IL1RAPL1: variants seen among roughly 807,000 people sequenced by gnomAD.
The protein encoded by IL1RAPL1 is interleukin 1 receptor accessory protein like 1, also known as interleukin-1 receptor accessory protein-like 1.
A neutral mutation model predicts 48.4 loss-of-function variants in IL1RAPL1; 3 were observed. The observed-to-expected ratio is 0.06, with a 90% CI of 0.03 to 0.16. The LOEUF (loss-of-function observed/expected upper bound fraction) is 0.16, where lower values mean the gene tolerates loss of function less well. Ranked by LOEUF, IL1RAPL1 falls within the 10% of genes least tolerant of loss-of-function variation. The pLI, the probability that IL1RAPL1 is intolerant of heterozygous loss-of-function variation, is 1.00. For synonymous variants in IL1RAPL1, 185 were observed against 187.7 expected (o/e 0.99, Z 0.12); for missense variants, 349 against 530.6 (o/e 0.66, Z 3.36).
At chrX:28,848,102 G>T (rs995487954) in intron 2 of IL1RAPL1, among the ~76,000 whole-genome samples, 5 of 111,067 alleles carry the variant, frequency 4.5e-5, no homozygotes, top group African/African-American at 1.6e-4. Flanking sequence ...CTCATAAATG[G>T]GAGTTGAACA....
intron 5 of IL1RAPL1, among the ~76,000 whole-genome samples, chrX:29,607,177 A>G (rs530016769): frequency 2.7e-5 from 3 of 111,483 alleles, no homozygotes; most frequent in Non-Finnish European, 3.8e-5. Context: ...CATCCCTCCT[A>G]TGTAACATGC....
At chrX:29,490,187 G>A (rs983062813) in intron 5 of IL1RAPL1, among the ~76,000 whole-genome samples, 5 of 110,075 alleles carry the variant, frequency 4.5e-5, no homozygotes, top group East Asian at 2.8e-4. Context: ...TGAATACATG[G>A]TCAATATATT....
chrX:28,753,109 C>T (rs372807570), intron 1 of IL1RAPL1, among the ~76,000 whole-genome samples: 35 of 111,925 alleles, frequency 3.1e-4, no homozygotes, highest in Middle Eastern at 9.2e-3. Context: ...CAGCAACACC[C>T]ATTTGTTTCC....
intron 5 of IL1RAPL1, among the ~76,000 whole-genome samples, chrX:29,417,642 C>T: frequency 9.0e-6 from 1 of 111,270 alleles, no homozygotes; most frequent in Non-Finnish European, 1.9e-5. Flanking sequence ...ATATCGTGGA[C>T]AATGTCTCAA....
chrX:28,719,074 A>G (rs2146938739), intron 1 of IL1RAPL1, among the ~76,000 whole-genome samples: 1 of 111,143 alleles, frequency 9.0e-6, no homozygotes, highest in Non-Finnish European at 1.9e-5. Flanking sequence ...AGGGTTAGAC[A>G]TAATTGTAAA....
intron 1 of IL1RAPL1, among the ~76,000 whole-genome samples, chrX:28,680,563 A>G (rs1445042995): frequency 9.0e-6 from 1 of 111,592 alleles, no homozygotes; most frequent in East Asian, 2.8e-4. Context: ...GCTTTTCCCC[A>G]TTGATTATGA....
intron 5 of IL1RAPL1, among the ~76,000 whole-genome samples, chrX:29,658,548 A>T (rs188594277): frequency 8.9e-6 from 1 of 112,514 alleles, no homozygotes; most frequent in African/African-American, 3.2e-5. Context: ...AAACTAAATC[A>T]TGATTATATC....
chrX:29,745,788 T>A (rs900069468), intron 6 of IL1RAPL1, among the ~76,000 whole-genome samples: 1 of 110,779 alleles, frequency 9.0e-6, no homozygotes, highest in Non-Finnish European at 1.9e-5. Flanking sequence ...TCACTAGCAT[T>A]ACTACAGTCC....
chrX:29,499,173 A>G (rs1488353713), intron 5 of IL1RAPL1, among the ~76,000 whole-genome samples: 1 of 112,449 alleles, frequency 8.9e-6, no homozygotes, highest in Admixed American at 9.4e-5. Context: ...CAAATAGAAC[A>G]GCCTCTAATT....
intron 2 of IL1RAPL1, among the ~76,000 whole-genome samples, chrX:29,172,845 A>T (rs2147514244): frequency 8.9e-6 from 1 of 111,887 alleles, no homozygotes; most frequent in South Asian, 3.7e-4. Context: ...TCAGCAATTC[A>T]TTAAACATTG....
chrX:28,866,510 C>T (rs1922078995), intron 2 of IL1RAPL1, among the ~76,000 whole-genome samples: 1 of 99,955 alleles, frequency 1.0e-5, no homozygotes, highest in Non-Finnish European at 2.0e-5. Flanking sequence ...CCACTTGTTC[C>T]CCCCAAAAAC....
At chrX:29,645,195 G>A (rs1316885929) in intron 5 of IL1RAPL1, among the ~76,000 whole-genome samples, 1 of 111,494 alleles carries the variant, frequency 9.0e-6, no homozygotes, top group African/African-American at 3.3e-5. Context: ...CAGTGGGGTG[G>A]AGGGTGGAGT....
At chrX:29,584,902 G>T (rs1923106797) in intron 5 of IL1RAPL1, among the ~76,000 whole-genome samples, 1 of 111,964 alleles carries the variant, frequency 8.9e-6, no homozygotes, top group Non-Finnish European at 1.9e-5. Context: ...TGATCAATCT[G>T]TTCTCTGTGA....
At chrX:29,861,046 C>A (rs1931572358) in intron 6 of IL1RAPL1, among the ~76,000 whole-genome samples, 1 of 111,996 alleles carries the variant, frequency 8.9e-6, no homozygotes, top group Admixed American at 9.5e-5. Flanking sequence ...TTCTAAAGAG[C>A]TCAGGAGTTA....
chrX:29,921,159 G>T (rs1932845582), intron 8 of IL1RAPL1, among the ~76,000 whole-genome samples: 1 of 112,377 alleles, frequency 8.9e-6, no homozygotes, highest in African/African-American at 3.2e-5. Context: ...ACTGTAAAAT[G>T]TGAGCCATTC....
chrX:28,854,432 T>A (rs1921750249), intron 2 of IL1RAPL1, among the ~76,000 whole-genome samples: 1 of 109,451 alleles, frequency 9.1e-6, no homozygotes, highest in Non-Finnish European at 1.9e-5. Flanking sequence ...TAGGAAGATG[T>A]GAAATTTAGG....
At chrX:29,492,198 TGAAGTCTTGTAACCGTAAG>T (rs1287425725) in intron 5 of IL1RAPL1, among the ~76,000 whole-genome samples, 1 of 112,691 alleles carries the variant, frequency 8.9e-6, no homozygotes, top group African/African-American at 3.2e-5. Context: ...CAACCGTAAG[TGAAGTCTTGTAACCGTAAG>T]TGAAGTCTTA....
intron 2 of IL1RAPL1, among the ~76,000 whole-genome samples, chrX:29,048,555 T>C (rs1476944192): frequency 1.8e-5 from 2 of 112,038 alleles, no homozygotes; most frequent in African/African-American, 6.5e-5. Context: ...AAAAAAGTGT[T>C]CATCATATTT....
chrX:29,123,697 A>AT (rs1273013344), intron 2 of IL1RAPL1, among the ~76,000 whole-genome samples: 2 of 111,244 alleles, frequency 1.8e-5, no homozygotes, highest in Admixed American at 1.9e-4. Flanking sequence ...GTATTTAAAA[A>AT]TTTTTTGAGA....
Sources: gnomAD v4.1 joint callset for allele counts (sites outside exome capture counted in the v4.1 genomes callset) on GRCh38, gnomAD v4.1.1 for gene constraint, MANE v1.5 for transcripts, NCBI Gene and HGNC (gene_info 2026-07-23, HGNC 2026-07-21) for gene names.